The following SPECC1 variants were observed in gnomAD, a reference collection of about 807,000 sequenced individuals.
SPECC1 encodes cytospin-B.
A neutral mutation model predicts 104.1 loss-of-function variants in SPECC1; 62 were observed. The observed-to-expected ratio is 0.60, with a 90% confidence interval of 0.49 to 0.74. The LOEUF (loss-of-function observed/expected upper bound fraction) is 0.74. Among genes scored for constraint, SPECC1 ranks in the 30% least tolerant of loss-of-function variants. The pLI is 0.00. For missense variants in SPECC1, 1,306 were observed against 1,310.5 expected, an observed-to-expected ratio of 1.00 and a Z score of 0.05; for synonymous variants, 513 against 501.6, an observed-to-expected ratio of 1.02 and a Z score of -0.30.
intron 1 of SPECC1, chr17:20,067,064 A>T (rs1380465890): frequency 3.3e-5 from 5 of 151,922 alleles, no homozygotes; most frequent in East Asian, 1.9e-4. Flanking sequence ...AATAGATTTT[A>T]AAAAATTACA....
At position 20,204,532 on chromosome 17, in the gene SPECC1, A is replaced by G. The variant is rs2036641441; in HGVS notation, c.483A>G (p.Gly161=). 1 of 1,614,170 alleles carries G rather than the reference A, an allele frequency of 6.2e-7. No individual in the cohort carries two copies. The highest frequency in any genetic ancestry group is 8.5e-7 in the Non-Finnish European group (1 of 1,180,038). Residue 161 remains glycine, a synonymous_variant, in exon 4 of 15, where the codon GGA becomes GGG. Transcript: ENST00000395527. ...STKPKQENEG[G]EKAALESQVR... is the part of the protein sequence containing the mutation. ...AGCCCAAGCAAGAGAATGAAGGTGG[A>G]GAAAAGGCTGCGCTTGAGTCCCAAG...
chr17:20,168,569 G>GT (rs1385179377), intron 3 of SPECC1, among the ~76,000 whole-genome samples: 27 of 152,224 alleles, frequency 1.8e-4, no homozygotes, highest in African/African-American at 6.3e-4. Flanking sequence ...GTATGACACT[G>GT]TTTTCAAATA....
chr17:20,241,549 C>T (rs865808783), intron 7 of SPECC1, among the ~76,000 whole-genome samples: 14 of 152,106 alleles, frequency 9.2e-5, no homozygotes, highest in Non-Finnish European at 1.9e-4. Context: ...TTCATTCCCC[C>T]GACCGTGTAC....
At chr17:20,158,075 A>C (rs1018731769) in intron 3 of SPECC1, among the ~76,000 whole-genome samples, 1 of 152,156 alleles carries the variant, frequency 6.6e-6, no homozygotes, top group African/African-American at 2.4e-5. Context: ...GAGATCCTGG[A>C]AATTAGAGCT....
At chr17:20,192,571 T>C (rs939435597) in intron 3 of SPECC1, among the ~76,000 whole-genome samples, 3 of 152,224 alleles carry the variant, frequency 2.0e-5, no homozygotes, top group Non-Finnish European at 4.4e-5. Flanking sequence ...CTGTATATAG[T>C]ATCTTTGACA....
intron 12 of SPECC1, among the ~76,000 whole-genome samples, chr17:20,280,986 C>T (rs546995781): frequency 3.3e-5 from 5 of 152,156 alleles, no homozygotes; most frequent in African/African-American, 7.2e-5. Flanking sequence ...TATTCAGCTG[C>T]GTTAGTGTGA....
At chr17:20,259,015 C>G (rs982758097) in intron 11 of SPECC1, among the ~76,000 whole-genome samples, 1 of 152,232 alleles carries the variant, frequency 6.6e-6, no homozygotes, top group Non-Finnish European at 1.5e-5. Flanking sequence ...CTTAGTAAAA[C>G]TTACGAGTGA....
chr17:20,288,435 C>T (rs561198898), intron 12 of SPECC1, among the ~76,000 whole-genome samples: 6 of 152,128 alleles, frequency 3.9e-5, no homozygotes, highest in African/African-American at 1.4e-4. Flanking sequence ...CATGAACAGA[C>T]ACTTCTCAAA....
chr17:20,022,158 G>A (rs1478279491), intron 1 of SPECC1, among the ~76,000 whole-genome samples: 1 of 151,304 alleles, frequency 6.6e-6, no homozygotes, highest in East Asian at 2.0e-4. Flanking sequence ...AGCCAGGATG[G>A]TCTCGATCTC....
intron 2 of SPECC1, among the ~76,000 whole-genome samples, 194 bp downstream of exon 2, chr17:20,096,992 C>G (rs2047680368): frequency 6.6e-6 from 1 of 152,118 alleles, no homozygotes; most frequent in African/African-American, 2.4e-5. Context: ...CCTCTGGGGT[C>G]CAGAAAGGAG....
chr17:20,051,127 T>C (rs1264444631), intron 1 of SPECC1, among the ~76,000 whole-genome samples: 1 of 120,482 alleles, frequency 8.3e-6, no homozygotes, highest in African/African-American at 3.4e-5. Context: ...TTTCTTTCTT[T>C]CTTTCTTTCT....
At chr17:20,125,913 G>A (rs2049280614) in intron 3 of SPECC1, among the ~76,000 whole-genome samples, 1 of 152,108 alleles carries the variant, frequency 6.6e-6, no homozygotes, top group Non-Finnish European at 1.5e-5. Context: ...TGCGTTTCCC[G>A]GGAGTACATG....
At chr17:20,197,655 G>A (rs994827788) in intron 3 of SPECC1, among the ~76,000 whole-genome samples, 1 of 152,150 alleles carries the variant, frequency 6.6e-6, no homozygotes, top group Non-Finnish European at 1.5e-5. Flanking sequence ...CTGCCACATG[G>A]TTACAAGGTC....
At chr17:20,214,968 AAC>A (rs2037393499) in intron 4 of SPECC1, among the ~76,000 whole-genome samples, 2 of 152,216 alleles carry the variant, frequency 1.3e-5, no homozygotes, top group South Asian at 4.1e-4. Flanking sequence ...TGGGAGAGGA[AAC>A]ACAGAATGTG....
rs61254948 is a variant in SPECC1 at position 20,250,548 on chromosome 17, A to G, written c.2599-2957A>G. ...AAATCTTAGAAAAATGTAACGTGCT[A>G]AACTTACATAGGAGAGAGTAGTAGA... On this transcript the variant is annotated intron_variant, in intron 9 of 14. Transcript: ENST00000395527. 6.9e-3 allele frequency among the ~76,000 whole-genome samples: 1,046 copies of G among 152,358 alleles called. 12 individuals are homozygous for G. The highest frequency in any genetic ancestry group is 0.024 in the African/African-American group (997 of 41,588).
chr17:20,165,672 C>T (rs556691968), intron 3 of SPECC1, among the ~76,000 whole-genome samples: 5 of 152,182 alleles, frequency 3.3e-5, no homozygotes, highest in Non-Finnish European at 5.9e-5. Flanking sequence ...GCATTCCCAC[C>T]AACAGTGTAT....
At chr17:20,235,670 T>G (rs1054827272) in intron 7 of SPECC1, among the ~76,000 whole-genome samples, 1 of 152,206 alleles carries the variant, frequency 6.6e-6, no homozygotes, top group Non-Finnish European at 1.5e-5. Flanking sequence ...AAACAGCAAA[T>G]GCCATTACTT....
intron 1 of SPECC1, among the ~76,000 whole-genome samples, chr17:20,052,072 T>C (rs1487685921): frequency 6.6e-6 from 1 of 152,220 alleles, no homozygotes; most frequent in Non-Finnish European, 1.5e-5. Flanking sequence ...TGACCTGTAA[T>C]AGTCACTTTA....
chr17:20,091,513 GCT>G (rs976072679), intron 1 of SPECC1, among the ~76,000 whole-genome samples: 67 of 152,256 alleles, frequency 4.4e-4, no homozygotes, highest in South Asian at 1.5e-3. Flanking sequence ...GCATCTCTGG[GCT>G]CTGTCCAGTA....
Sources: allele counts gnomAD v4.1 joint callset (sites outside exome capture counted in the v4.1 genomes callset), GRCh38; gene constraint gnomAD v4.1.1; transcripts MANE v1.5; gene names NCBI Gene and HGNC (gene_info 2026-07-23, HGNC 2026-07-21).